The following SV2C variants were observed in gnomAD, a reference collection of about 807,000 sequenced individuals.
SV2C encodes synaptic vesicle glycoprotein 2C.
A neutral mutation model predicts 79.7 loss-of-function variants in SV2C; 49 were observed. The ratio of observed to expected loss-of-function variants is 0.61; its 90% CI spans 0.49 to 0.78. The LOEUF is 0.78. Among genes scored for constraint, SV2C ranks in the 30% least tolerant of loss-of-function variants. The pLI is 0.00. For missense variants in SV2C, 833 were observed against 912.9 expected (o/e 0.91, Z 1.13); for synonymous variants, 334 against 333.2 (o/e 1.00, Z -0.03).
the SV2C span, among the ~76,000 whole-genome samples, chr5:75,903,368 T>TTG: frequency 2.9e-4 from 24 of 81,456 alleles, no homozygotes; most frequent in African/African-American, 8.5e-4. Flanking sequence ...CAAAAAGGTG[T>TTG]TTTTTTTTTT....
At chr5:76,344,568 G>A (rs901793503) in intron 12 of SV2C, among the ~76,000 whole-genome samples, 3 of 152,122 alleles carry the variant, frequency 2.0e-5, no homozygotes, top group African/African-American at 7.2e-5. Flanking sequence ...AAATTGCTGG[G>A]CGTGGTGGTG....
the SV2C span, among the ~76,000 whole-genome samples, chr5:75,919,154 C>G: frequency 6.6e-6 from 1 of 152,216 alleles, no homozygotes; most frequent in African/African-American, 2.4e-5. Flanking sequence ...GATTGGTTTA[C>G]TCTTTTTGCT....
At chr5:76,238,304 A>G (rs796982559) in intron 4 of SV2C, among the ~76,000 whole-genome samples, 2 of 149,638 alleles carry the variant, frequency 1.3e-5, no homozygotes, top group African/African-American at 4.9e-5. Flanking sequence ...GTGTGTGTGT[A>G]TGTGTGTGTG....
At chr5:76,139,940 G>C (rs1348969561) in intron 2 of SV2C, among the ~76,000 whole-genome samples, 1 of 63,974 alleles carries the variant, frequency 1.6e-5, no homozygotes, top group East Asian at 2.2e-4. Flanking sequence ...CGCAATCTCG[G>C]CTCACTGCAA....
chr5:76,268,822 A>G lies in SV2C; in HGVS notation c.914-16340A>G, dbSNP rs73766766. On this transcript the variant is annotated intron_variant, in intron 4 of 12. Transcript: ENST00000502798. The stretch of plus-strand genomic sequence containing the variant: ...GGTACATAAAGTTGCTTCCAGGTGC[A>G]TAAAAAGAGTATGGGAAACCCCTAT... Among the ~76,000 whole-genome samples, 366 of 152,336 alleles carry G rather than the reference A, an allele frequency of 2.4e-3. 3 individuals carry two copies. Among genetic ancestry groups the G allele is most frequent in the African/African-American group, 8.6e-3 (358 of 41,584 alleles).
intron 12 of SV2C, among the ~76,000 whole-genome samples, chr5:76,347,099 G>T (rs992383386): frequency 7.5e-6 from 1 of 134,002 alleles, no homozygotes; most frequent in Non-Finnish European, 1.5e-5. Context: ...AAGTGGGACG[G>T]GGCAGGAGAA....
intron 12 of SV2C, among the ~76,000 whole-genome samples, chr5:76,340,231 AATG>A: frequency 6.6e-6 from 1 of 152,372 alleles, no homozygotes; most frequent in Non-Finnish European, 1.5e-5. Context: ...CCAGAAAACT[AATG>A]AATAATCCAC....
the SV2C span, among the ~76,000 whole-genome samples, chr5:76,033,422 G>A: frequency 6.6e-6 from 1 of 152,154 alleles, no homozygotes; most frequent in Non-Finnish European, 1.5e-5. Context: ...ATTAATTTTT[G>A]TATAAGGTGT....
At chr5:76,349,809 T>G (rs1749614881) in intron 12 of SV2C, among the ~76,000 whole-genome samples, 1 of 152,046 alleles carries the variant, frequency 6.6e-6, no homozygotes, top group African/African-American at 2.4e-5. Context: ...TGCTTGGGAT[T>G]ATAGGCAGGA....
At chr5:76,307,719 A>C (rs1053560504) in intron 12 of SV2C, among the ~76,000 whole-genome samples, 1 of 152,104 alleles carries the variant, frequency 6.6e-6, no homozygotes, top group Non-Finnish European at 1.5e-5. Context: ...TTCACTTTAG[A>C]TAGTTTCCAT....
intron 10 of SV2C, 79 bp from the exon 11 acceptor site, chr5:76,300,650 C>A: frequency 6.8e-7 from 1 of 1,466,006 alleles, no homozygotes. Flanking sequence ...GTTTCCTCTC[C>A]GAATCCTCCA....
upstream of SV2C, among the ~76,000 whole-genome samples, chr5:76,082,637 C>G (rs1394637947): frequency 3.5e-4 from 35 of 99,356 alleles, no homozygotes; most frequent in East Asian, 0.01. Flanking sequence ...TCTCTCCACC[C>G]CCCCCCCCTC....
At chr5:76,268,719 C>A (rs1746745288) in intron 4 of SV2C, among the ~76,000 whole-genome samples, 1 of 152,198 alleles carries the variant, frequency 6.6e-6, no homozygotes, top group African/African-American at 2.4e-5. Flanking sequence ...TACACTCTTA[C>A]TAAAACCCCA....
intron 1 of SV2C, among the ~76,000 whole-genome samples, chr5:76,118,248 C>G (rs1748344786): frequency 6.6e-6 from 1 of 152,214 alleles, no homozygotes; most frequent in African/African-American, 2.4e-5. Flanking sequence ...TCCATCTTCA[C>G]ATGGTCTTCT....
the SV2C span, among the ~76,000 whole-genome samples, chr5:75,858,507 G>A: frequency 4.6e-5 from 7 of 152,192 alleles, no homozygotes; most frequent in African/African-American, 1.7e-4. Flanking sequence ...TGGTTTGCTA[G>A]TTTGCTGTTG....
chr5:76,068,907 T>A, the SV2C span, among the ~76,000 whole-genome samples: 1 of 152,162 alleles, frequency 6.6e-6, no homozygotes, highest in African/African-American at 2.4e-5. Context: ...TTTCTTATAA[T>A]ATGTTGTATA....
chr5:76,000,602 TA>T, the SV2C span, among the ~76,000 whole-genome samples: 1 of 152,188 alleles, frequency 6.6e-6, no homozygotes, highest in Admixed American at 6.5e-5. Context: ...AAATTACCTA[TA>T]AGCAGCATTT....
chr5:75,969,231 G>T, the SV2C span, among the ~76,000 whole-genome samples: 3 of 152,162 alleles, frequency 2.0e-5, no homozygotes, highest in Non-Finnish European at 4.4e-5. Context: ...ATGCCAAATT[G>T]TAAAGACCAT....
rs370282974 is a variant in SV2C, at chr5:76,291,221, G to A, written c.1138G>A (p.Val380Ile). ...ARGQPEKVFT[V>I]NKIKTPKQID... ...CGCTTTGGTCTGTTTCTCTCTACAG[G>A]TAAACAAAATAAAAACTCCTAAACA... The change falls in exon 7 of 13, where the codon GTA becomes ATA. Residue 380 changes from valine to isoleucine, a missense_variant and splice_region_variant. Val to Ile is a conservative substitution (Grantham distance 29). Transcript: ENST00000502798. 13 of 1,606,212 alleles carry A rather than the reference G, an allele frequency of 8.1e-6. No homozygotes were observed. In the African/African-American group the frequency reaches 1.1e-4, roughly 13 times the overall value.
Sources: allele counts gnomAD v4.1 joint callset (sites outside exome capture counted in the v4.1 genomes callset), GRCh38; gene constraint gnomAD v4.1.1; transcripts MANE v1.5; gene names NCBI Gene and HGNC (gene_info 2026-07-23, HGNC 2026-07-21).